Variants in SGCZ observed in about 807,000 individuals in gnomAD.
SGCZ encodes the protein sarcoglycan zeta.
SGCZ carries 40 observed loss-of-function variants against 41.3 expected under a neutral mutation model. The observed-to-expected ratio is 0.97, with a 90% CI of 0.75 to 1.26. The LOEUF (loss-of-function observed/expected upper bound fraction) is 1.26, where lower values mean the gene tolerates loss of function less well. Ranked by LOEUF, SGCZ falls within the 50% of genes most tolerant of loss-of-function variation. SGCZ has a pLI of 0.00. For missense variants in SGCZ, 552 were observed against 369.8 expected (o/e 1.49, Z -4.04); for synonymous variants, 206 against 137.5 (o/e 1.50, Z -3.49).
chr8:14,176,586 C>A (rs891271977), intron 4 of SGCZ, among the ~76,000 whole-genome samples: 4 of 152,046 alleles, frequency 2.6e-5, no homozygotes, highest in Non-Finnish European at 5.9e-5. Flanking sequence ...AAGTTAGAAA[C>A]TAATAAATAT....
At chr8:14,844,335 C>T (rs1803028673) in intron 1 of SGCZ, among the ~76,000 whole-genome samples, 1 of 152,130 alleles carries the variant, frequency 6.6e-6, no homozygotes, top group Non-Finnish European at 1.5e-5. Context: ...CCTAATTATT[C>T]TCTTGTCCCT....
intron 1 of SGCZ, among the ~76,000 whole-genome samples, chr8:14,760,562 C>T (rs1245529635): frequency 3.3e-5 from 5 of 151,920 alleles, no homozygotes; most frequent in African/African-American, 4.8e-5. Flanking sequence ...CGGCATGTAA[C>T]CCTCATTTAA....
In SGCZ at chr8:14,712,515, G is replaced by C. The variant is rs1809554009; in HGVS notation, c.40-157589C>G. ...GGCAGTTATGTAGTGAATTTTAAAA[G>C]TGCTTCATTTGGGGAAAAATATTAG... On this transcript the variant is annotated intron_variant, in intron 1 of 7. Coordinates refer to ENST00000382080, the MANE Select transcript of SGCZ (RefSeq NM_139167.4). Among the ~76,000 whole-genome samples, 4 of 152,252 alleles carry C rather than the reference G, an allele frequency of 2.6e-5. No homozygotes were observed. In the South Asian group the frequency reaches 8.3e-4, roughly 32 times the overall value.
intron 2 of SGCZ, among the ~76,000 whole-genome samples, chr8:14,411,320 G>T (rs557875077): frequency 2.0e-5 from 3 of 151,994 alleles, no homozygotes; most frequent in African/African-American, 7.2e-5. Flanking sequence ...ATAAACATTC[G>T]TATAGAAACC....
At chr8:14,973,820 A>G (rs910171650) in intron 1 of SGCZ, among the ~76,000 whole-genome samples, 12 of 152,174 alleles carry the variant, frequency 7.9e-5, no homozygotes, top group African/African-American at 2.7e-4. Context: ...CTTTAATATT[A>G]TTCTTGCAGG....
At chr8:14,440,337 A>G (rs1464501862) in intron 2 of SGCZ, among the ~76,000 whole-genome samples, 2 of 152,140 alleles carry the variant, frequency 1.3e-5, no homozygotes, top group African/African-American at 2.4e-5. Flanking sequence ...CATGTAGCTT[A>G]AGGAAATCTT....
intron 1 of SGCZ, among the ~76,000 whole-genome samples, chr8:15,074,534 G>A (rs1015810442): frequency 1.3e-5 from 2 of 151,926 alleles, no homozygotes; most frequent in African/African-American, 4.8e-5. Flanking sequence ...CCACATTCCC[G>A]GATGTATACG....
chr8:14,352,512 T>C (rs1181741833), intron 2 of SGCZ, among the ~76,000 whole-genome samples: 1 of 152,126 alleles, frequency 6.6e-6, no homozygotes, highest in Non-Finnish European at 1.5e-5. Flanking sequence ...GTTACTCTTC[T>C]GTCTCAAATG....
chr8:14,809,497 T>C (rs910661101), intron 1 of SGCZ, among the ~76,000 whole-genome samples: 1 of 152,144 alleles, frequency 6.6e-6, no homozygotes, highest in Admixed American at 6.6e-5. Flanking sequence ...AGAAACCACT[T>C]GGTATGGTAA....
rs565329094 is a variant in SGCZ, at chr8:14,726,341, T to A, written c.40-171415A>T. On this transcript the variant is annotated intron_variant, in intron 1 of 7. Transcript: ENST00000382080. The stretch of plus-strand genomic sequence containing the variant: ...ATATATATCTATATATATATATATA[T>A]AAAATTAGATAGGATTTTAAAATTT... Among the ~76,000 whole-genome samples the A allele has an allele frequency of 2.1e-5, 3 of 144,524 alleles. No individual in the cohort carries two copies. The South Asian group carries it at 6.5e-4, about 31-fold the overall frequency. 94.8% of individuals were successfully genotyped at this position (144,524 alleles called of 152,430 possible).
intron 3 of SGCZ, among the ~76,000 whole-genome samples, chr8:14,250,739 C>A (rs1799253849): frequency 6.6e-6 from 1 of 152,108 alleles, no homozygotes; most frequent in African/African-American, 2.4e-5. Context: ...GACAGAACAG[C>A]CCTTGCTCTC....
At chr8:14,340,443 T>A (rs1802662381) in intron 2 of SGCZ, among the ~76,000 whole-genome samples, 1 of 152,192 alleles carries the variant, frequency 6.6e-6, no homozygotes, top group Admixed American at 6.5e-5. Flanking sequence ...ATTCACGTAT[T>A]TATTGCAACA....
chr8:14,401,052 C>T (rs763211899), intron 2 of SGCZ, among the ~76,000 whole-genome samples: 11 of 152,224 alleles, frequency 7.2e-5, no homozygotes, highest in East Asian at 5.8e-4. Context: ...TCACCCTGTA[C>T]GCTGACCTCC....
chr8:14,491,542 A>C (rs1411973098), intron 2 of SGCZ, among the ~76,000 whole-genome samples: 1 of 152,230 alleles, frequency 6.6e-6, no homozygotes, highest in East Asian at 1.9e-4. Context: ...AGGAGTTACA[A>C]GATCCTAAAA....
chr8:14,188,138 A>T (rs1259685180), intron 4 of SGCZ, among the ~76,000 whole-genome samples: 3 of 152,232 alleles, frequency 2.0e-5, no homozygotes, highest in Admixed American at 6.5e-5. Flanking sequence ...CCAGATAAAG[A>T]TTGAGCAAAT....
intron 2 of SGCZ, among the ~76,000 whole-genome samples, chr8:14,463,918 T>C (rs1800974520): frequency 7.0e-6 from 1 of 143,852 alleles, no homozygotes; most frequent in Non-Finnish European, 1.5e-5. Flanking sequence ...GGTGGTGTGT[T>C]ACCTTGATTG....
chr8:15,142,570 T>C (rs888193021), intron 1 of SGCZ, among the ~76,000 whole-genome samples: 8 of 152,054 alleles, frequency 5.3e-5, no homozygotes, highest in African/African-American at 1.7e-4. Context: ...AGAGACATCA[T>C]GTAAATCACC....
At chr8:14,207,250 C>A (rs1371693693) in intron 4 of SGCZ, among the ~76,000 whole-genome samples, 1 of 110,438 alleles carries the variant, frequency 9.1e-6, no homozygotes, top group Admixed American at 9.3e-5. Flanking sequence ...CTAGTTTTTT[C>A]AATTTAAATG....
intron 1 of SGCZ, among the ~76,000 whole-genome samples, chr8:14,992,640 C>T (rs1462760847): frequency 6.8e-6 from 1 of 146,504 alleles, no homozygotes; most frequent in African/African-American, 2.5e-5. Flanking sequence ...TATTTACCCC[C>T]CACCCATCCT....
Sources: allele counts gnomAD v4.1 joint callset (sites outside exome capture counted in the v4.1 genomes callset), GRCh38; gene constraint gnomAD v4.1.1; transcripts MANE v1.5; gene names NCBI Gene and HGNC (gene_info 2026-07-23, HGNC 2026-07-21).